Variants in TNKS observed in about 807,000 individuals in gnomAD.
TNKS encodes the protein poly [ADP-ribose] polymerase tankyrase-1.
TNKS carries 72 observed loss-of-function variants against 135.8 expected under a neutral mutation model. The ratio of observed to expected loss-of-function variants is 0.53; its 90% CI spans 0.44 to 0.64. TNKS has a LOEUF of 0.64. TNKS is among the 30% of genes least tolerant of loss of function. The pLI is 0.00. For missense variants in TNKS, 1,769 were observed against 1,674.0 expected (o/e 1.06, Z -0.99); for synonymous variants, 849 against 649.3 (o/e 1.31, Z -4.68).
intron 2 of TNKS, among the ~76,000 whole-genome samples, chr8:9,585,405 T>C (rs1048776423): frequency 1.3e-5 from 2 of 152,070 alleles, no homozygotes; most frequent in Admixed American, 1.3e-4. Flanking sequence ...AAACAAATGA[T>C]AAGAAAGAGA....
chr8:9,743,904 A>G (rs575953077), intron 17 of TNKS, among the ~76,000 whole-genome samples: 1 of 152,366 alleles, frequency 6.6e-6, no homozygotes, highest in Admixed American at 6.5e-5. Flanking sequence ...ATAAACACAG[A>G]TTAATTGACT....
intron 2 of TNKS, among the ~76,000 whole-genome samples, chr8:9,585,533 G>A (rs956409605): frequency 6.6e-6 from 1 of 152,062 alleles, no homozygotes; most frequent in African/African-American, 2.4e-5. Context: ...TGCCTACAGA[G>A]GGAAAAAAAT....
intron 13 of TNKS, 71 bp downstream of exon 13, chr8:9,726,791 A>G: frequency 8.3e-7 from 1 of 1,197,660 alleles, no homozygotes; most frequent in Non-Finnish European, 1.2e-6. Flanking sequence ...TTAAGCTTCT[A>G]AGTATATCTA....
chr8:9,683,745 C>T (rs1354987064), intron 5 of TNKS, among the ~76,000 whole-genome samples: 1 of 151,374 alleles, frequency 6.6e-6, no homozygotes, highest in East Asian at 1.9e-4. Flanking sequence ...ACTCTTAATT[C>T]TATACTGTGA....
chr8:9,657,133 G>A (rs1801416701), intron 3 of TNKS, among the ~76,000 whole-genome samples: 6 of 133,332 alleles, frequency 4.5e-5, no homozygotes, highest in Admixed American at 4.3e-4. Flanking sequence ...ATGAGCTGTT[G>A]GGCACACCTC....
At chr8:9,732,088 C>G (rs1222557020) in intron 14 of TNKS, among the ~76,000 whole-genome samples, 1 of 152,152 alleles carries the variant, frequency 6.6e-6, no homozygotes, top group Non-Finnish European at 1.5e-5. Context: ...GCACCCAGCC[C>G]TATATGAATG....
intron 1 of TNKS, among the ~76,000 whole-genome samples, chr8:9,561,455 A>G (rs1243306998): frequency 2.0e-5 from 3 of 152,332 alleles, no homozygotes; most frequent in East Asian, 3.9e-4. Context: ...AGAATTTCAT[A>G]TAAATGCAGT....
At chr8:9,573,256 C>T (rs1342727830) in intron 1 of TNKS, among the ~76,000 whole-genome samples, 4 of 152,150 alleles carry the variant, frequency 2.6e-5, no homozygotes, top group Admixed American at 6.5e-5. Flanking sequence ...ATCAAGCAGC[C>T]TCCAGAGCCA....
chr8:9,598,997 C>G (rs899897594), intron 2 of TNKS, among the ~76,000 whole-genome samples: 1 of 151,354 alleles, frequency 6.6e-6, no homozygotes, highest in Non-Finnish European at 1.5e-5. Context: ...TGGGAAGCAC[C>G]TTTTACATGT....
chr8:9,675,113 G>C (rs1802480934), intron 3 of TNKS, among the ~76,000 whole-genome samples: 1 of 152,166 alleles, frequency 6.6e-6, no homozygotes, highest in African/African-American at 2.4e-5. Context: ...TTGAGAGGAA[G>C]ACCTAACTCT....
intron 8 of TNKS, 82 bp downstream of exon 8, chr8:9,707,079 A>G: frequency 8.3e-7 from 1 of 1,203,786 alleles, no homozygotes; most frequent in East Asian, 2.7e-5. Flanking sequence ...TTAAATAATA[A>G]CCTTCCATTC....
At chr8:9,613,589 G>C (rs1222977538) in intron 2 of TNKS, among the ~76,000 whole-genome samples, 1 of 152,176 alleles carries the variant, frequency 6.6e-6, no homozygotes, top group Non-Finnish European at 1.5e-5. Flanking sequence ...CTTCTTTCCT[G>C]TTGCTACATT....
chr8:9,686,453 T>C (rs1192905271), intron 5 of TNKS, among the ~76,000 whole-genome samples: 1 of 152,176 alleles, frequency 6.6e-6, no homozygotes, highest in East Asian at 1.9e-4. Flanking sequence ...AATTCACTGC[T>C]GTTGGGGTGG....
intron 25 of TNKS, among the ~76,000 whole-genome samples, chr8:9,767,958 CAAAAA>C (rs1030767438): frequency 2.9e-5 from 2 of 68,060 alleles, no homozygotes; most frequent in Non-Finnish European, 5.8e-5. Context: ...GACTCCGTCT[CAAAAA>C]AAAAAAAAAA....
chr8:9,689,199 A>G (rs949060121), intron 5 of TNKS, among the ~76,000 whole-genome samples: 4 of 152,208 alleles, frequency 2.6e-5, no homozygotes, highest in Non-Finnish European at 5.9e-5. Flanking sequence ...TCTGTCTCAC[A>G]CATATGCATA....
chr8:9,653,935 T>G (rs997637294), intron 3 of TNKS, among the ~76,000 whole-genome samples: 5 of 152,182 alleles, frequency 3.3e-5, no homozygotes, highest in African/African-American at 1.2e-4. Context: ...TGTCTCCATT[T>G]CCTGTCTGCA....
intron 2 of TNKS, among the ~76,000 whole-genome samples, chr8:9,588,952 C>T (rs553457882): frequency 3.3e-5 from 5 of 152,202 alleles, no homozygotes; most frequent in South Asian, 4.1e-4. Context: ...ATGGGTTAAT[C>T]GGAGTGGGGA....
chr8:9,575,508 AT>A (rs1423411865), intron 1 of TNKS: 6 of 788,440 alleles, frequency 7.6e-6, no homozygotes, highest in Non-Finnish European at 9.2e-6. Flanking sequence ...AAAAATAAAA[AT>A]TTCAACTCAC....
intron 5 of TNKS, 155 bp downstream of exon 5, chr8:9,680,955 T>C (rs1585320702): frequency 1.9e-6 from 1 of 516,020 alleles, no homozygotes; most frequent in Non-Finnish European, 3.4e-6. Context: ...TTATTGGCAG[T>C]TGTGACACAT....
Sources: allele counts gnomAD v4.1 joint callset (sites outside exome capture counted in the v4.1 genomes callset), GRCh38; gene constraint gnomAD v4.1.1; transcripts MANE v1.5; gene names NCBI Gene and HGNC (gene_info 2026-07-23, HGNC 2026-07-21).